Variants in HPF1 observed in about 807,000 individuals in gnomAD.
The protein encoded by HPF1 is UPF0609 protein C4orf27.
Under a neutral mutation model 38.8 loss-of-function variants are expected in HPF1, and 35 were observed. That is an observed-to-expected ratio of 0.90 (90% CI 0.69 to 1.19). The LOEUF (loss-of-function observed/expected upper bound fraction) is 1.19, where lower values mean the gene tolerates loss of function less well. Among genes scored for constraint, HPF1 ranks in the 50% most tolerant of loss-of-function variants. The pLI is 0.00. For missense variants in HPF1, 367 were observed against 405.8 expected, an observed-to-expected ratio of 0.90 and a Z score of 0.82; for synonymous variants, 115 against 139.2, an observed-to-expected ratio of 0.83 and a Z score of 1.22.
chr4:169,751,096 A>C (rs1375827082), intron 2 of HPF1, among the ~76,000 whole-genome samples: 8 of 152,112 alleles, frequency 5.3e-5, no homozygotes, highest in Non-Finnish European at 4.4e-5. Context: ...GATAGCAAAA[A>C]TGTGTGGATT....
rs1184250585 is a variant in HPF1 at position 169,757,913 on chromosome 4, G to C, written c.-36C>G. 6.5e-7 allele frequency: 1 copy of C among 1,535,376 alleles called. No individual in the cohort carries two copies. The highest frequency in any genetic ancestry group is 1.4e-5 in the African/African-American group (1 of 72,962). On this transcript the variant is annotated 5_prime_UTR_variant, in exon 1 of 8. Coordinates refer to ENST00000393381, the MANE Select transcript of HPF1 (RefSeq NM_017867.3). ...CAGCGCCAGCAGAATTCCCCGATCC[G>C]CGGCCGCTTCCGAGCGCCGCCAACC...
At chr4:169,733,018 T>G (rs1581312153) in intron 6 of HPF1, among the ~76,000 whole-genome samples, 1 of 152,310 alleles carries the variant, frequency 6.6e-6, no homozygotes, top group East Asian at 1.9e-4. Context: ...CAAAATTTAT[T>G]CTTTTTGCCC....
At chr4:169,738,129 TAAGA>T (rs1733921813) in intron 5 of HPF1, among the ~76,000 whole-genome samples, 1 of 152,048 alleles carries the variant, frequency 6.6e-6, no homozygotes, top group Non-Finnish European at 1.5e-5. Flanking sequence ...AGAAAAAGAG[TAAGA>T]AATAGTTCTT....
rs1453476961 is a variant in HPF1, at chr4:169,750,683, T to C, written c.251A>G (p.Tyr84Cys). ...TTTATGTTTTCCAGCAAGGATATCA[T>C]AAGGACCAACTAATTGAAGTCCAAG... is the stretch of plus-strand genomic sequence containing the variant. Reference protein sequence around the residue: ...ASLGLQLVGPYDILAGKHKTK... With the variant: ...ASLGLQLVGPCDILAGKHKTK... Residue 84 changes from tyrosine to cysteine, a missense_variant, in exon 3 of 8, where the codon TAT becomes TGT. Tyr to Cys is a radical substitution (Grantham distance 194). Transcript: ENST00000393381. 6.2e-7 allele frequency: 1 copy of C among 1,613,712 alleles called. No homozygotes were observed. The highest frequency in any genetic ancestry group is 2.2e-5 in the East Asian group (1 of 44,846).
At chr4:169,751,431 A>C (rs1734118600) in intron 2 of HPF1, among the ~76,000 whole-genome samples, 1 of 151,652 alleles carries the variant, frequency 6.6e-6, no homozygotes, top group South Asian at 2.1e-4. Context: ...AAGGTAAAAA[A>C]CATTTCTATC....
At chr4:169,743,626 T>C (rs10018221) in intron 4 of HPF1, among the ~76,000 whole-genome samples, 99,220 of 151,750 alleles carry the variant, frequency 0.65, 36,629 homozygotes, top group East Asian at 0.91. Flanking sequence ...ATGCCACTTA[T>C]GGAAATAATT....
intron 6 of HPF1, 21 bp from the exon 7 acceptor site, chr4:169,731,897 A>G (rs1733835035): frequency 6.3e-7 from 1 of 1,578,236 alleles, no homozygotes; most frequent in Admixed American, 1.7e-5. Flanking sequence ...TCAATAATAT[A>G]AAAGATTATC....
At chr4:169,740,369 TAA>T (rs1186294601) in intron 5 of HPF1, among the ~76,000 whole-genome samples, 1 of 152,186 alleles carries the variant, frequency 6.6e-6, no homozygotes. Flanking sequence ...TCAAATGATA[TAA>T]CTCATAAAGA....
At chr4:169,751,783 G>A (rs933825588) in intron 2 of HPF1, among the ~76,000 whole-genome samples, 1 of 152,204 alleles carries the variant, frequency 6.6e-6, no homozygotes, top group African/African-American at 2.4e-5. Flanking sequence ...CTGAAGCTTA[G>A]GAGAGCATAC....
chr4:169,732,954 A>G (rs1011396026), intron 6 of HPF1, among the ~76,000 whole-genome samples: 1 of 152,220 alleles, frequency 6.6e-6, no homozygotes, highest in African/African-American at 2.4e-5. Flanking sequence ...GATTCTGGGT[A>G]TCCTTCGAGG....
intron 6 of HPF1, among the ~76,000 whole-genome samples, chr4:169,734,810 T>C (rs1420371866): frequency 3.9e-5 from 6 of 152,156 alleles, no homozygotes; most frequent in Non-Finnish European, 5.9e-5. Context: ...GCAACTCTTC[T>C]TACTTCGGAT....
At chr4:169,754,809 C>T (rs1475951460) in intron 1 of HPF1, among the ~76,000 whole-genome samples, 1 of 152,138 alleles carries the variant, frequency 6.6e-6, no homozygotes, top group Non-Finnish European at 1.5e-5. Flanking sequence ...TGCTCAACAT[C>T]CTATAATGCC....
intron 6 of HPF1, among the ~76,000 whole-genome samples, chr4:169,732,859 A>G (rs906885468): frequency 2.0e-5 from 3 of 152,238 alleles, no homozygotes; most frequent in African/African-American, 7.2e-5. Flanking sequence ...ATTCTAAGTA[A>G]TCTAGAAATG....
intron 6 of HPF1, among the ~76,000 whole-genome samples, chr4:169,733,046 TA>T (rs923235590): frequency 1.2e-4 from 18 of 151,972 alleles, no homozygotes; most frequent in Non-Finnish European, 2.4e-4. Flanking sequence ...CCTTGTTTGC[TA>T]AAAAAAATTA....
intron 5 of HPF1, among the ~76,000 whole-genome samples, chr4:169,741,298 T>G (rs1255768339): frequency 6.6e-6 from 1 of 152,206 alleles, no homozygotes; most frequent in African/African-American, 2.4e-5. Context: ...GGTGAGAGGC[T>G]GGAGGAGACT....
At position 169,753,746 on chromosome 4, in the gene HPF1, CT is replaced by C; in HGVS notation, c.137del (p.Lys46SerfsTer35). On this transcript the variant is annotated frameshift_variant, in exon 2 of 8. Coordinates refer to ENST00000393381, the MANE Select transcript of HPF1 (RefSeq NM_017867.3). LOFTEE classifies it high-confidence loss of function. ...GATAGAAATCTTCAGGTAAAGAAAG[CT>C]TATAATGATTTTCTACTTCTTTTCG... ...DLRKEVENHY[K>X]LSLPEDFYHF... 6.2e-7 allele frequency: 1 copy of C among 1,613,384 alleles called. No individual in the cohort carries two copies. Among genetic ancestry groups the C allele is most frequent in the East Asian group, 2.2e-5 (1 of 44,872 alleles).
At chr4:169,751,846 G>T (rs564482109) in intron 2 of HPF1, among the ~76,000 whole-genome samples, 1 of 152,284 alleles carries the variant, frequency 6.6e-6, no homozygotes, top group Non-Finnish European at 1.5e-5. Context: ...ATTAGCCGAA[G>T]ATAACAGTTA....
chr4:169,744,616 C>T (rs1400273158), intron 4 of HPF1, among the ~76,000 whole-genome samples: 1 of 152,096 alleles, frequency 6.6e-6, no homozygotes, highest in African/African-American at 2.4e-5. Flanking sequence ...AGTGTTGAAA[C>T]TTATATATCA....
intron 1 of HPF1, among the ~76,000 whole-genome samples, chr4:169,755,119 G>A (rs1361535151): frequency 1.6e-5 from 2 of 127,016 alleles, no homozygotes. Flanking sequence ...GTTTATTAAC[G>A]TTAGGTATCA....
Sources: gnomAD v4.1 joint callset for allele counts (sites outside exome capture counted in the v4.1 genomes callset) on GRCh38, gnomAD v4.1.1 for gene constraint, MANE v1.5 for transcripts, NCBI Gene and HGNC (gene_info 2026-07-23, HGNC 2026-07-21) for gene names.